Variants in TNKS1BP1 observed in about 807,000 individuals in gnomAD.
The protein encoded by TNKS1BP1 is 182 kDa tankyrase-1-binding protein.
Under a neutral mutation model 141.1 loss-of-function variants are expected in TNKS1BP1, and 48 were observed. The ratio of observed to expected loss-of-function variants is 0.34; its 90% CI spans 0.27 to 0.43. The LOEUF (loss-of-function observed/expected upper bound fraction) is 0.43. TNKS1BP1 is among the 20% of genes least tolerant of loss of function. The pLI, the probability that TNKS1BP1 is intolerant of heterozygous loss-of-function variation, is 1.00. For missense variants in TNKS1BP1, 2,149 were observed against 2,226.0 expected (o/e 0.97, Z 0.70); for synonymous variants, 875 against 898.2 (o/e 0.97, Z 0.46).
At chr11:57,314,295 G>A (rs184224852) in intron 4 of TNKS1BP1, among the ~76,000 whole-genome samples, 1 of 152,338 alleles carries the variant, frequency 6.6e-6, no homozygotes, top group Admixed American at 6.5e-5. Context: ...TGTGGGAGTC[G>A]TGAGGGGAGA....
intron 4 of TNKS1BP1, among the ~76,000 whole-genome samples, chr11:57,316,131 A>C (rs754147086): frequency 6.0e-4 from 91 of 152,232 alleles, no homozygotes; most frequent in Middle Eastern, 6.8e-3. Context: ...TACTCTCGTC[A>C]AGGTCACGGA....
At chr11:57,321,217 A>G (rs1855880811) in intron 2 of TNKS1BP1, among the ~76,000 whole-genome samples, 2 of 151,968 alleles carry the variant, frequency 1.3e-5, no homozygotes, top group Non-Finnish European at 2.9e-5. Context: ...CCCCACCCAC[A>G]GCACACTCCC....
intron 11 of TNKS1BP1, 40 bp downstream of exon 11, chr11:57,300,488 C>T: frequency 1.2e-6 from 2 of 1,600,150 alleles, no homozygotes; most frequent in South Asian, 1.1e-5. Context: ...CAGGGCAGGC[C>T]CTCCTCAGAC....
At chr11:57,320,024 C>CCCCCCCCCCAGA in intron 3 of TNKS1BP1, 55 bp downstream of exon 3, 1 of 654,162 alleles carries the variant, frequency 1.5e-6, no homozygotes, top group Non-Finnish European at 2.6e-6. Context: ...CCCACCCAAT[C>CCCCCCCCCCAGA]CCACCCCACC....
intron 3 of TNKS1BP1, among the ~76,000 whole-genome samples, chr11:57,318,723 G>A (rs1256168360): frequency 6.6e-6 from 1 of 152,234 alleles, no homozygotes; most frequent in Non-Finnish European, 1.5e-5. Context: ...CCCGTGCCCA[G>A]CACCCCAAGA....
chr11:57,323,221 C>T (rs942484297), intron 1 of TNKS1BP1, among the ~76,000 whole-genome samples: 2 of 152,096 alleles, frequency 1.3e-5, no homozygotes, highest in African/African-American at 4.8e-5. Context: ...TCTTCCCTGA[C>T]CCCAGGCTAC....
chr11:57,308,979 T>G lies in TNKS1BP1; in HGVS notation c.3732A>C (p.Gly1244=). The change falls in exon 6 of 12, where the codon GGA becomes GGC. Residue 1244 remains glycine, a synonymous_variant. Coordinates refer to ENST00000358252, the MANE Select transcript of TNKS1BP1 (RefSeq NM_033396.3). ...KSKDLAEVGE[G]GGHSQARESG... ...TCTCTCTGGCCTGGCTGTGGCCTCC[T>G]CCCTCCCCGACCTCAGCCAAATCTT... is the stretch of plus-strand genomic sequence containing the variant. 2 of 1,613,946 alleles carry G rather than the reference T, an allele frequency of 1.2e-6. No individual in the cohort carries two copies. Among genetic ancestry groups the G allele is most frequent in the Non-Finnish European group, 8.5e-7 (1 of 1,179,962 alleles).
intron 6 of TNKS1BP1, among the ~76,000 whole-genome samples, chr11:57,304,516 A>G (rs1855577522): frequency 6.6e-6 from 1 of 152,192 alleles, no homozygotes; most frequent in Non-Finnish European, 1.5e-5. Context: ...CAGACTACAG[A>G]GGCCAGGCCC....
At chr11:57,306,914 GT>G (rs1855621406) in intron 6 of TNKS1BP1, among the ~76,000 whole-genome samples, 15 of 86,572 alleles carry the variant, frequency 1.7e-4, no homozygotes, top group African/African-American at 4.9e-4. Flanking sequence ...GGGGGGGGGG[GT>G]TGGGTGGGAG....
Position 57,317,838 on chromosome 11 carries a change from T to C in TNKS1BP1, c.778A>G (p.Ser260Gly). ...AFNGDLAKAASSELPADISKP... is the reference protein window; with the variant it reads ...AFNGDLAKAAGSELPADISKP... ...CTCACATCAGCAGGTAGCTCCGAGCTGGCTGCCTTAGCCAGGTCCCCGTTG... is the reference window on the plus strand; with the variant it reads ...CTCACATCAGCAGGTAGCTCCGAGCCGGCTGCCTTAGCCAGGTCCCCGTTG... Residue 260 changes from serine (S) to glycine (G), a missense_variant, in exon 4 of 12, where the codon AGC becomes GGC. By Grantham distance (56) the Ser-to-Gly change is moderately conservative (BLOSUM62 0). Coordinates refer to ENST00000358252, the MANE Select transcript of TNKS1BP1 (RefSeq NM_033396.3). 6.2e-7 allele frequency: 1 copy of C among 1,613,984 alleles called. No individual in the cohort carries two copies. The highest frequency in any genetic ancestry group is 8.5e-7 in the Non-Finnish European group (1 of 1,179,858).
intron 6 of TNKS1BP1, among the ~76,000 whole-genome samples, chr11:57,306,904 G>C (rs1024804722): frequency 1.2e-4 from 3 of 24,834 alleles, no homozygotes; most frequent in Non-Finnish European, 3.4e-4. Flanking sequence ...CTGTGGTGGT[G>C]GGGGGGGGGG....
intron 3 of TNKS1BP1, among the ~76,000 whole-genome samples, chr11:57,319,748 CAA>C (rs1275271119): frequency 1.7e-4 from 18 of 103,912 alleles, no homozygotes; most frequent in Non-Finnish European, 1.7e-4. Context: ...GCCTGGGTGA[CAA>C]GAGCAAAACA....
chr11:57,306,916 T>TGGGGGGG (rs1189050190), intron 6 of TNKS1BP1, among the ~76,000 whole-genome samples: 3 of 11,404 alleles, frequency 2.6e-4, no homozygotes, highest in Non-Finnish European at 3.1e-4. Context: ...GGGGGGGGGT[T>TGGGGGGG]GGGTGGGAGG....
At position 57,320,092 on chromosome 11, in the gene TNKS1BP1, T is replaced by C. The variant is rs760551608; in HGVS notation, c.715A>G (p.Thr239Ala). 9 of 1,355,950 alleles carry C rather than the reference T, an allele frequency of 6.6e-6. No individual in the cohort carries two copies. The East Asian group carries it at 4.2e-4, about 63-fold the overall frequency. 84.0% of individuals were successfully genotyped at this position (1,355,950 alleles called of 1,614,324 possible). A position where few individuals can be genotyped will look rare whatever the true frequency, so the allele number is the denominator to read the frequency against. Residue 239 changes from threonine to alanine, a missense_variant, in exon 3 of 12, where the codon ACC becomes GCC. Thr to Ala is a moderately conservative substitution (Grantham distance 58). Coordinates refer to ENST00000358252, the MANE Select transcript of TNKS1BP1 (RefSeq NM_033396.3). ...PAECREEHSK[T>A]PEERSLPSDL... ...CCCACCCTTCACCTCTCCTCAGGGGTCTTGCTGTGCTCTTCCCGGCACTCT... is the reference window on the plus strand; with the variant it reads ...CCCACCCTTCACCTCTCCTCAGGGGCCTTGCTGTGCTCTTCCCGGCACTCT...
rs1198054495 is a variant in TNKS1BP1 at position 57,302,643 on chromosome 11, C to A, written c.4499G>T (p.Gly1500Val). Residue 1500 changes from glycine (G) to valine (V), a missense_variant, in exon 7 of 12, where the codon GGC becomes GTC. Gly to Val is a moderately radical substitution (Grantham distance 109). Coordinates refer to ENST00000358252, the MANE Select transcript of TNKS1BP1 (RefSeq NM_033396.3). This position sits in a 1 kb window ranked among gnomAD's most constrained non-coding sequence, Gnocchi z 5.5. ...GAAQEEVLEP[G>V]RDSPPSWRPQ... Reference sequence around the variant, plus strand: ...CCTCCAGGAGGGTGGAGAGTCCCTGCCAGGCTCCAGCACCTCCTCTTGGGC... The same window carrying A: ...CCTCCAGGAGGGTGGAGAGTCCCTGACAGGCTCCAGCACCTCCTCTTGGGC... The A allele has an allele frequency of 1.2e-6, 2 of 1,610,788 alleles. No individual in the cohort carries two copies. The highest frequency in any genetic ancestry group is 1.7e-5 in the Admixed American group (1 of 59,948).
chr11:57,307,361 G>C (rs1277273541), intron 6 of TNKS1BP1, among the ~76,000 whole-genome samples: 1 of 151,970 alleles, frequency 6.6e-6, no homozygotes, highest in Non-Finnish European at 1.5e-5. Flanking sequence ...CCTGTGCTCC[G>C]TCACCACCCC....
Position 57,320,679 on chromosome 11 carries a change from T to C in TNKS1BP1, c.128A>G (p.Lys43Arg), listed in dbSNP as rs771271279. ...DTRAKPPVKP[K>R]PRALPAKPAL... ...TGGCTTGGCAGGCAGGGCCCGGGGTTTGGGCTTGACAGGGGGTTTGGCCCG... is the reference window on the plus strand; with the variant it reads ...TGGCTTGGCAGGCAGGGCCCGGGGTCTGGGCTTGACAGGGGGTTTGGCCCG... The change falls in exon 3 of 12, where the codon AAA becomes AGA. Residue 43 changes from lysine to arginine, a missense_variant. Lys to Arg is a conservative substitution (Grantham distance 26). Transcript: ENST00000358252. 9.3e-6 allele frequency: 15 copies of C among 1,607,168 alleles called. No homozygotes were observed. The South Asian group carries it at 1.5e-4, about 17-fold the overall frequency.
At chr11:57,300,394 C>T in intron 11 of TNKS1BP1, 134 bp downstream of exon 11, 1 of 764,696 alleles carries the variant, frequency 1.3e-6, no homozygotes, top group Non-Finnish European at 2.1e-6. Context: ...GTCTCTGGAG[C>T]TTGGCTTCAC....
rs888381913 is a variant in TNKS1BP1, at chr11:57,324,911, ACCGCCGCCG to A, written c.-146_-138del. 2 of 984,850 alleles carry A rather than the reference ACCGCCGCCG, an allele frequency of 2.0e-6. No individual in the cohort carries two copies. Among genetic ancestry groups the A allele is most frequent in the East Asian group, 1.1e-4 (1 of 8,880 alleles). 61.0% of individuals were successfully genotyped at this position (984,850 alleles called of 1,614,324 possible). A position where few individuals can be genotyped will look rare whatever the true frequency, so the allele number is the denominator to read the frequency against. ...AGTCCCCGCCGCCGCCGCCGCTGCT[ACCGCCGCCG>A]CCGCCGCCGTCACCGCGGGACGAAG... On this transcript the variant is annotated 5_prime_UTR_variant, in exon 1 of 12. Transcript: ENST00000358252.
Sources: allele counts gnomAD v4.1 joint callset (sites outside exome capture counted in the v4.1 genomes callset), GRCh38; gene constraint gnomAD v4.1.1; non-coding constraint Gnocchi (gnomAD v3.1); transcripts MANE v1.5; gene names NCBI Gene and HGNC (gene_info 2026-07-23, HGNC 2026-07-21).